The following DMXL1 variants were observed in gnomAD, a reference collection of about 807,000 sequenced individuals.
DMXL1 encodes the protein dmX-like protein 1.
A neutral mutation model predicts 319.2 loss-of-function variants in DMXL1; 99 were observed. The observed-to-expected ratio is 0.31, with a 90% CI of 0.26 to 0.37. The LOEUF is 0.37. DMXL1 is among the 10% of genes least tolerant of loss of function. The pLI is 1.00. For synonymous variants in DMXL1, 1,385 were observed against 1,235.2 expected (o/e 1.12, Z -2.54); for missense variants, 3,745 against 3,595.6 (o/e 1.04, Z -1.06).
Position 119,082,018 on chromosome 5 carries a change from TATAC to T in DMXL1, c.87+10364_87+10367del, listed in dbSNP as rs60230775. ...AAGGTTATATATATATATATATATA[TATAC>T]ACACACACACACACACACACACACA... On this transcript the variant is annotated intron_variant, in intron 1 of 43. Coordinates refer to ENST00000539542, the MANE Select transcript of DMXL1 (RefSeq NM_001290321.3). 5.5e-3 allele frequency among the ~76,000 whole-genome samples: 391 copies of T among 71,390 alleles called. 3 individuals carry two copies. Among genetic ancestry groups the T allele is most frequent in the African/African-American group, 0.016 (335 of 21,310 alleles). The allele number at this position is 71,390 out of a possible 152,430, so 46.8% of individuals were successfully genotyped here.
Position 119,170,623 on chromosome 5 carries a change from A to T in DMXL1, c.5832A>T (p.Ser1944=). ...CAGAGGGTTCCTCAGAGAAGCAATC[A>T]AACTCCACTCTTTCTTTTGACTGGA... is the stretch of plus-strand genomic sequence containing the variant. The part of the protein sequence containing the change: ...SSSEGSSEKQ[S]NSTLSFDWSQ... The change falls in exon 24 of 44, where the codon TCA becomes TCT. Residue 1944 remains serine (S), a synonymous_variant. Coordinates refer to ENST00000539542, the MANE Select transcript of DMXL1 (RefSeq NM_001290321.3). 1.9e-6 allele frequency: 3 copies of T among 1,613,854 alleles called. No homozygotes were observed. Among genetic ancestry groups the T allele is most frequent in the Non-Finnish European group, 2.5e-6 (3 of 1,179,920 alleles).
chr5:119,073,612 T>G (rs1391054381), intron 1 of DMXL1, among the ~76,000 whole-genome samples: 2 of 152,144 alleles, frequency 1.3e-5, no homozygotes, highest in African/African-American at 4.8e-5. Context: ...TTCCATTGAG[T>G]AGGATTTAAT....
At chr5:119,196,133 TA>T (rs1046118243) in intron 30 of DMXL1, among the ~76,000 whole-genome samples, 7 of 152,156 alleles carry the variant, frequency 4.6e-5, no homozygotes, top group African/African-American at 1.7e-4. Context: ...TAATATTCCA[TA>T]GGTCAAAAAT....
rs1428915654 is a variant in DMXL1, at chr5:119,072,322, C to G, written c.87+666C>G. ...GAAGAGGGCACCAAATTTCGGGCTA[C>G]TTGTCAGTATAGTGGCATTTTTCTA... On this transcript the variant is annotated intron_variant, in intron 1 of 43. Transcript: ENST00000539542. Among the ~76,000 whole-genome samples, 5 of 151,916 alleles carry G rather than the reference C, an allele frequency of 3.3e-5. No individual in the cohort carries two copies. In the East Asian group the frequency reaches 5.8e-4, roughly 18 times the overall value.
intron 35 of DMXL1, 99 bp downstream of exon 35, chr5:119,217,086 C>G (rs764896406): frequency 8.1e-6 from 5 of 616,154 alleles, no homozygotes; most frequent in Non-Finnish European, 1.3e-5. Flanking sequence ...CCCAAAGCTG[C>G]TTCCAGTTCC....
chr5:119,142,232 C>T (rs927346961), intron 13 of DMXL1, among the ~76,000 whole-genome samples: 2 of 151,738 alleles, frequency 1.3e-5, no homozygotes, highest in African/African-American at 4.8e-5. Context: ...ACATCAAAAG[C>T]AATCATAACA....
chr5:119,199,822 A>T (rs1780357276), intron 32 of DMXL1, among the ~76,000 whole-genome samples: 1 of 152,122 alleles, frequency 6.6e-6, no homozygotes, highest in African/African-American at 2.4e-5. Context: ...GCTTTTCTCA[A>T]ATGATCAGTT....
chr5:119,223,877 CAT>C lies in DMXL1; in HGVS notation c.8278-829_8278-828del, dbSNP rs2150603119. Among the ~76,000 whole-genome samples, 3 of 152,200 alleles carry C rather than the reference CAT, an allele frequency of 2.0e-5. No homozygotes were observed. In the South Asian group the frequency reaches 6.2e-4, roughly 32 times the overall value. On this transcript the variant is annotated intron_variant, in intron 37 of 43. Coordinates refer to ENST00000539542, the MANE Select transcript of DMXL1 (RefSeq NM_001290321.3). ...AATATGAAGTTTACTAAACAGAAGT[CAT>C]ATGCAGCAGGTTTTTATTTTTTCTA... is the stretch of plus-strand genomic sequence containing the variant.
At chr5:119,233,288 T>C in intron 38 of DMXL1, 52 bp from the exon 39 acceptor site, 1 of 1,576,282 alleles carries the variant, frequency 6.3e-7, no homozygotes, top group Non-Finnish European at 8.6e-7. Flanking sequence ...GAAATAACTT[T>C]TCCCAAAGAT....
chr5:119,240,477 T>G lies in DMXL1; in HGVS notation c.8704+6T>G, dbSNP rs1788572966. 16 of 1,593,518 alleles carry G rather than the reference T, an allele frequency of 1.0e-5. No individual in the cohort carries two copies. Among genetic ancestry groups the G allele is most frequent in the Non-Finnish European group, 1.4e-5 (16 of 1,164,976 alleles). On this transcript the variant is annotated splice_donor_region_variant and intron_variant, in intron 42 of 43. Transcript: ENST00000539542. The stretch of plus-strand genomic sequence containing the variant: ...TGCCAATAGTTTAGTCCATGGTAAG[T>G]TTTCAAAGCATTTTATAAATTTTGA...
chr5:119,148,271 A>T (rs906997504), intron 17 of DMXL1, among the ~76,000 whole-genome samples: 1 of 152,136 alleles, frequency 6.6e-6, no homozygotes. Flanking sequence ...TGTGAAAGAG[A>T]AGGAGCCAGT....
chr5:119,075,231 C>CT (rs1370970995), intron 1 of DMXL1, among the ~76,000 whole-genome samples: 85 of 127,730 alleles, frequency 6.7e-4, no homozygotes, highest in Admixed American at 1.3e-3. Context: ...CTGTTAGTTT[C>CT]TTTTTTTTTC....
At chr5:119,157,485 G>T (rs757630985) in intron 19 of DMXL1, among the ~76,000 whole-genome samples, 2 of 152,042 alleles carry the variant, frequency 1.3e-5, no homozygotes, top group African/African-American at 2.4e-5. Flanking sequence ...AATCCATTTT[G>T]ACCTATTTTT....
intron 19 of DMXL1, among the ~76,000 whole-genome samples, chr5:119,158,708 A>G (rs994628410): frequency 1.3e-5 from 2 of 152,196 alleles, no homozygotes; most frequent in African/African-American, 4.8e-5. Context: ...GTCGAATTTT[A>G]TCAGATGCTT....
intron 33 of DMXL1, among the ~76,000 whole-genome samples, 168 bp downstream of exon 33, chr5:119,203,604 T>C (rs772547268): frequency 6.6e-6 from 1 of 152,198 alleles, no homozygotes; most frequent in South Asian, 2.1e-4. Context: ...AGTATTTTCA[T>C]AAATCAATTT....
intron 13 of DMXL1, among the ~76,000 whole-genome samples, chr5:119,136,668 C>G (rs1290377064): frequency 6.6e-6 from 1 of 152,258 alleles, no homozygotes; most frequent in Non-Finnish European, 1.5e-5. Flanking sequence ...CTAGCTCCAG[C>G]CATGGCTAAA....
At position 119,149,383 on chromosome 5, in the gene DMXL1, T is replaced by C. The variant is rs760756713; in HGVS notation, c.3556T>C (p.Trp1186Arg). ...TGKETLAFPLWESTKVVPLSK... is the reference protein window; with the variant it reads ...TGKETLAFPLRESTKVVPLSK... ...TAAGGAAACCCTGGCATTTCCTCTCTGGGAGAGTACCAAAGTTGTGCCCCT... is the reference window on the plus strand; with the variant it reads ...TAAGGAAACCCTGGCATTTCCTCTCCGGGAGAGTACCAAAGTTGTGCCCCT... Residue 1186 changes from tryptophan to arginine, a missense_variant, in exon 18 of 44, where the codon TGG becomes CGG. This residue lies in a region of DMXL1 where 2,096 missense variants were observed against 1,985.4 expected (regional missense o/e 1.06). Transcript: ENST00000539542. 9 of 1,613,846 alleles carry C rather than the reference T, an allele frequency of 5.6e-6. No homozygotes were observed. The South Asian group carries it at 7.7e-5, about 14-fold the overall frequency.
intron 42 of DMXL1, among the ~76,000 whole-genome samples, 177 bp downstream of exon 42, chr5:119,240,648 C>T (rs1280359567): frequency 1.3e-5 from 2 of 152,148 alleles, no homozygotes; most frequent in Non-Finnish European, 2.9e-5. Context: ...TAACTCTTCA[C>T]TATACCTTGA....
At chr5:119,239,458 C>T (rs1345961569) in intron 41 of DMXL1, among the ~76,000 whole-genome samples, 2 of 152,044 alleles carry the variant, frequency 1.3e-5, no homozygotes, top group East Asian at 3.9e-4. Context: ...TATGTTGGTC[C>T]CCCCACACAG....
Sources: allele counts gnomAD v4.1 joint callset (sites outside exome capture counted in the v4.1 genomes callset), GRCh38; gene constraint gnomAD v4.1.1; regional missense constraint gnomAD v4.1.1; transcripts MANE v1.5; gene names NCBI Gene and HGNC (gene_info 2026-07-23, HGNC 2026-07-21).